The following ZFAND6 variants were observed in gnomAD, a reference collection of about 807,000 sequenced individuals.
ZFAND6 encodes zinc finger AN1-type containing 6, also known as AN1-type zinc finger protein 6.
Under a neutral mutation model 24.5 loss-of-function variants are expected in ZFAND6, and 12 were observed. That is an observed-to-expected ratio of 0.49 (90% CI 0.31 to 0.79). ZFAND6 has a LOEUF of 0.79. Ranked by LOEUF, ZFAND6 falls within the 30% of genes least tolerant of loss-of-function variation. The pLI, the probability that ZFAND6 is intolerant of heterozygous loss-of-function variation, is 0.04. For synonymous variants in ZFAND6, 92 were observed against 81.5 expected (o/e 1.13, Z -0.69); for missense variants, 207 against 245.9 (o/e 0.84, Z 1.06).
chr15:80,081,088 T>C (rs1196200091), intron 1 of ZFAND6, among the ~76,000 whole-genome samples: 1 of 152,250 alleles, frequency 6.6e-6, no homozygotes, highest in Non-Finnish European at 1.5e-5. Flanking sequence ...GAATGAATAC[T>C]AAGTCTCAGT....
At chr15:80,111,394 T>A (rs578134796) in intron 2 of ZFAND6, 1 of 402,594 alleles carries the variant, frequency 2.5e-6, no homozygotes, top group South Asian at 1.8e-5. Context: ...TGCCAATCAT[T>A]TGGGTATGAA....
At chr15:80,112,843 A>C (rs1295073519) in intron 2 of ZFAND6, 1 of 456,118 alleles carries the variant, frequency 2.2e-6, no homozygotes, top group Admixed American at 2.3e-5. Context: ...TCAAGCACCT[A>C]TGCCAAGTTA....
At chr15:80,066,845 C>G (rs866808308) in intron 1 of ZFAND6, among the ~76,000 whole-genome samples, 1 of 149,496 alleles carries the variant, frequency 6.7e-6, no homozygotes, top group Non-Finnish European at 1.5e-5. Context: ...TGCAGTGAGC[C>G]GAGACTGCAC....
At chr15:80,128,723 T>C (rs769374474) in intron 5 of ZFAND6, among the ~76,000 whole-genome samples, 3 of 152,222 alleles carry the variant, frequency 2.0e-5, no homozygotes, top group African/African-American at 4.8e-5. Context: ...ATTTGAGTTA[T>C]AGCATATAAG....
chr15:80,135,590 G>A (rs1463838428), intron 6 of ZFAND6, among the ~76,000 whole-genome samples: 2 of 152,210 alleles, frequency 1.3e-5, no homozygotes, highest in Non-Finnish European at 2.9e-5. Context: ...ATTATTTCTG[G>A]TTAAGGAATG....
chr15:80,136,342 G>A (rs754337893), intron 6 of ZFAND6, among the ~76,000 whole-genome samples: 1 of 151,986 alleles, frequency 6.6e-6, no homozygotes, highest in Non-Finnish European at 1.5e-5. Context: ...GCGTGCACCT[G>A]TAATCCCAGC....
chr15:80,074,094 G>A (rs2141827837), intron 1 of ZFAND6, among the ~76,000 whole-genome samples: 1 of 151,980 alleles, frequency 6.6e-6, no homozygotes, highest in African/African-American at 2.4e-5. Context: ...CTGATGTGTA[G>A]CCCCTTAAAT....
intron 1 of ZFAND6, among the ~76,000 whole-genome samples, chr15:80,091,679 A>T (rs1246646063): frequency 1.3e-5 from 2 of 151,934 alleles, no homozygotes; most frequent in Non-Finnish European, 2.9e-5. Context: ...TGCTCTTGTC[A>T]CCCCAGCTGG....
chr15:80,100,025 C>A (rs993941902), intron 2 of ZFAND6, among the ~76,000 whole-genome samples: 7 of 152,110 alleles, frequency 4.6e-5, no homozygotes, highest in Non-Finnish European at 8.8e-5. Context: ...TCACTTTGCC[C>A]CATTATTTTC....
chr15:80,112,956 TC>T (rs1021237624), intron 2 of ZFAND6: 2 of 434,148 alleles, frequency 4.6e-6, no homozygotes, highest in Non-Finnish European at 9.2e-6. Flanking sequence ...CAAAGAGAAT[TC>T]ACCCATTCTG....
chr15:80,063,531 A>G (rs934720461), intron 1 of ZFAND6, among the ~76,000 whole-genome samples: 8 of 150,608 alleles, frequency 5.3e-5, no homozygotes, highest in Non-Finnish European at 4.4e-5. Context: ...AGCTGAGACT[A>G]CAGACATGCA....
chr15:80,135,652 A>C (rs1360586755), intron 6 of ZFAND6, among the ~76,000 whole-genome samples: 2 of 152,264 alleles, frequency 1.3e-5, no homozygotes, highest in Non-Finnish European at 2.9e-5. Flanking sequence ...AAGATGCTTC[A>C]AGATCAGGTA....
At chr15:80,092,581 GA>G (rs1360052679) in intron 1 of ZFAND6, among the ~76,000 whole-genome samples, 1 of 152,164 alleles carries the variant, frequency 6.6e-6, no homozygotes, top group African/African-American at 2.4e-5. Context: ...TGGTAAGAGA[GA>G]GGGGGGAAAG....
intron 1 of ZFAND6, among the ~76,000 whole-genome samples, chr15:80,080,016 T>C (rs1414843324): frequency 6.6e-6 from 1 of 151,570 alleles, no homozygotes; most frequent in African/African-American, 2.4e-5. Flanking sequence ...TTTTTTTCTT[T>C]GAGATAGAGT....
intron 1 of ZFAND6, among the ~76,000 whole-genome samples, chr15:80,068,947 A>C (rs2036820626): frequency 6.6e-6 from 1 of 152,368 alleles, no homozygotes; most frequent in South Asian, 2.1e-4. Flanking sequence ...TGAATAAACT[A>C]ACTCTGTTAA....
chr15:80,122,932 A>G, intron 5 of ZFAND6, 132 bp downstream of exon 5: 1 of 544,890 alleles, frequency 1.8e-6, no homozygotes. Context: ...ACAATACTTT[A>G]TATCTTTAAG....
intron 1 of ZFAND6, among the ~76,000 whole-genome samples, chr15:80,098,000 C>T (rs1340003798): frequency 6.6e-6 from 1 of 152,182 alleles, no homozygotes; most frequent in Non-Finnish European, 1.5e-5. Context: ...TGTCACAAAA[C>T]AATCTCATTC....
chr15:80,077,945 C>T (rs951795631), intron 1 of ZFAND6, among the ~76,000 whole-genome samples: 4 of 151,846 alleles, frequency 2.6e-5, no homozygotes, highest in South Asian at 2.1e-4. Flanking sequence ...GTGATCCACC[C>T]GCCTCGGCCT....
At chr15:80,093,018 G>A (rs1293946183) in intron 1 of ZFAND6, among the ~76,000 whole-genome samples, 4 of 150,580 alleles carry the variant, frequency 2.7e-5, no homozygotes, top group African/African-American at 4.9e-5. Context: ...GCAGTGGCAC[G>A]ATCTCAGCTC....
Sources: allele counts gnomAD v4.1 joint callset (sites outside exome capture counted in the v4.1 genomes callset), GRCh38; gene constraint gnomAD v4.1.1; transcripts MANE v1.5; gene names NCBI Gene and HGNC (gene_info 2026-07-23, HGNC 2026-07-21).